WDFY3: variants seen among roughly 807,000 people sequenced by gnomAD.
WDFY3 encodes the protein WD repeat and FYVE domain containing 3, also known as WD repeat and FYVE domain-containing protein 3.
WDFY3 carries 66 observed loss-of-function variants against 409.6 expected under a neutral mutation model. The observed-to-expected ratio is 0.16, with a 90% confidence interval of 0.13 to 0.20. The LOEUF is 0.20. Ranked by LOEUF, WDFY3 falls within the 10% of genes least tolerant of loss-of-function variation. The pLI is 1.00. For synonymous variants in WDFY3, 1,521 were observed against 1,537.1 expected (o/e 0.99, Z 0.25); for missense variants, 3,031 against 4,298.1 (o/e 0.71, Z 8.24).
intron 36 of WDFY3, among the ~76,000 whole-genome samples, chr4:84,745,401 T>C (rs528633213): frequency 6.6e-6 from 1 of 152,206 alleles, no homozygotes; most frequent in Non-Finnish European, 1.5e-5. Flanking sequence ...TCCAGGACTG[T>C]ATTTATGACC....
chr4:84,695,202 C>G (rs1471716900), intron 58 of WDFY3, among the ~76,000 whole-genome samples: 7 of 152,070 alleles, frequency 4.6e-5, no homozygotes, highest in Non-Finnish European at 1.0e-4. Flanking sequence ...GAGGTTTGCT[C>G]ATCACTGAAC....
Position 84,696,842 on chromosome 4 carries a change from T to G in WDFY3, c.8597-19A>C, listed in dbSNP as rs748482317. The stretch of plus-strand genomic sequence containing the variant: ...TTACAGCCTATGCAATTGGATACAT[T>G]AAAAATAAAAAAAAAGAAAGAATGG... On this transcript the variant is annotated intron_variant, in intron 56 of 67. Transcript: ENST00000295888. The G allele has an allele frequency of 1.3e-6, 2 of 1,588,946 alleles. No individual in the cohort carries two copies. Among genetic ancestry groups the G allele is most frequent in the South Asian group, 2.2e-5 (2 of 89,678 alleles).
intron 7 of WDFY3, among the ~76,000 whole-genome samples, chr4:84,832,076 T>C (rs2149935998): frequency 6.6e-6 from 1 of 152,194 alleles, no homozygotes; most frequent in South Asian, 2.1e-4. Flanking sequence ...ATAGCCAAAA[T>C]TTAGAATCAA....
intron 22 of WDFY3, among the ~76,000 whole-genome samples, chr4:84,788,770 A>G (rs1021272872): frequency 6.6e-6 from 1 of 152,222 alleles, no homozygotes; most frequent in Non-Finnish European, 1.5e-5. Flanking sequence ...GCTATATCCC[A>G]GCATTTTGGG....
chr4:84,753,073 A>G (rs749917029), intron 35 of WDFY3, among the ~76,000 whole-genome samples: 4 of 152,230 alleles, frequency 2.6e-5, no homozygotes, highest in Non-Finnish European at 5.9e-5. Context: ...AATGTGCTTC[A>G]GTGAATTTCC....
At chr4:84,894,629 A>C (rs757690867) in intron 3 of WDFY3, among the ~76,000 whole-genome samples, 25 of 152,102 alleles carry the variant, frequency 1.6e-4, no homozygotes, top group Admixed American at 5.9e-4. Context: ...TCTACTAAAA[A>C]TACAAAAATT....
intron 35 of WDFY3, among the ~76,000 whole-genome samples, chr4:84,753,398 G>T (rs548546781): frequency 1.3e-5 from 2 of 152,102 alleles, no homozygotes; most frequent in Non-Finnish European, 2.9e-5. Flanking sequence ...AGCTGGCATC[G>T]CGTAAAATAA....
At chr4:84,782,004 A>C (rs544319435) in intron 25 of WDFY3, among the ~76,000 whole-genome samples, 2 of 152,328 alleles carry the variant, frequency 1.3e-5, no homozygotes, top group African/African-American at 4.8e-5. Context: ...ACTGATTTAC[A>C]CATTAAAAGT....
At chr4:84,879,937 G>A (rs749475982) in intron 3 of WDFY3, among the ~76,000 whole-genome samples, 11 of 152,200 alleles carry the variant, frequency 7.2e-5, no homozygotes, top group Middle Eastern at 3.2e-3. Flanking sequence ...GTTAACGTTT[G>A]TGTGAGGCAG....
chr4:84,964,595 A>C (rs898704006), intron 1 of WDFY3, among the ~76,000 whole-genome samples: 2 of 152,216 alleles, frequency 1.3e-5, no homozygotes. Context: ...ATATACTGTC[A>C]TTTACTTTTT....
At chr4:84,756,777 G>A in intron 33 of WDFY3, 149 bp downstream of exon 33, 1 of 961,508 alleles carries the variant, frequency 1.0e-6, no homozygotes, top group Non-Finnish European at 1.5e-6. Context: ...AATTTTCTGT[G>A]GTATTTTCAG....
At chr4:84,913,024 G>T (rs1017130392) in intron 2 of WDFY3, among the ~76,000 whole-genome samples, 2 of 152,146 alleles carry the variant, frequency 1.3e-5, no homozygotes, top group African/African-American at 2.4e-5. Flanking sequence ...GCTGAAGTTA[G>T]AAAGTACCTT....
Position 84,695,981 on chromosome 4 carries a change from T to A in WDFY3, c.8890A>T (p.Ile2964Phe), listed in dbSNP as rs769068496. ...AAAAACATCCATACCTGTTTAGGGA[T>A]CTGACCGAAGTTATTAATGAACCCA... ...TIGFINNFGQIPKQLFKKPHP... is the reference protein window; with the variant it reads ...TIGFINNFGQFPKQLFKKPHP... Residue 2964 changes from isoleucine (I) to phenylalanine (F), a missense_variant, in exon 58 of 68, where the codon ATC becomes TTC. Coordinates refer to ENST00000295888, the MANE Select transcript of WDFY3 (RefSeq NM_014991.6). 2 of 1,614,138 alleles carry A rather than the reference T, an allele frequency of 1.2e-6. No individual in the cohort carries two copies. The highest frequency in any genetic ancestry group is 1.1e-5 in the South Asian group (1 of 91,074).
intron 46 of WDFY3, among the ~76,000 whole-genome samples, chr4:84,723,780 T>G (rs1452919328): frequency 1.3e-5 from 2 of 152,198 alleles, no homozygotes; most frequent in African/African-American, 2.4e-5. Context: ...ATTTTATATA[T>G]GACCAGTGAG....
chr4:84,836,291 A>G (rs2149984383), intron 7 of WDFY3, among the ~76,000 whole-genome samples: 1 of 152,178 alleles, frequency 6.6e-6, no homozygotes, highest in African/African-American at 2.4e-5. Context: ...TTTTTTTAAT[A>G]CTGTATTAGA....
chr4:84,746,035 C>T lies in WDFY3; in HGVS notation c.5974-2236G>A, dbSNP rs537042326. Among the ~76,000 whole-genome samples, 8 of 150,692 alleles carry T rather than the reference C, an allele frequency of 5.3e-5. No individual in the cohort carries two copies. The South Asian group carries it at 6.3e-4, about 12-fold the overall frequency. On this transcript the variant is annotated intron_variant, in intron 36 of 67. Coordinates refer to ENST00000295888, the MANE Select transcript of WDFY3 (RefSeq NM_014991.6). The stretch of plus-strand genomic sequence containing the variant: ...AAAAAATGGTACTCCTGGTTGGGCA[C>T]GGTGGCTCATGCCTATAATCCCAGT...
At chr4:84,738,489 C>A (rs1274813267) in intron 40 of WDFY3, among the ~76,000 whole-genome samples, 2 of 151,248 alleles carry the variant, frequency 1.3e-5, no homozygotes, top group Admixed American at 6.6e-5. Context: ...GTAGTCCCAG[C>A]TATTTAGGAG....
chr4:84,684,044 T>C lies in WDFY3; in HGVS notation c.9625A>G (p.Thr3209Ala). Residue 3209 changes from threonine to alanine, a missense_variant, in exon 63 of 68, where the codon ACA becomes GCA. Thr to Ala is a moderately conservative substitution (Grantham distance 58). Transcript: ENST00000295888. ...CAGATGATCTGCTGGCTCCTACCTG[T>C]GAACGTGTTGACACTCACGATAGGG... Reference protein sequence around the residue: ...GNPIVSVNTFTGRSQQIICCC... With the variant: ...GNPIVSVNTFAGRSQQIICCC... 6.8e-6 allele frequency: 11 copies of C among 1,613,792 alleles called. No homozygotes were observed. The highest frequency in any genetic ancestry group is 9.3e-6 in the Non-Finnish European group (11 of 1,179,710).
At position 84,826,979 on chromosome 4, in the gene WDFY3, A is replaced by C; in HGVS notation, c.959T>G (p.Leu320Trp). ...GGATTCTGCCTCTTTTGCTTGTTCCAATCTAGAAAAGTATGATTTAGAAAG... is the reference window on the plus strand; with the variant it reads ...GGATTCTGCCTCTTTTGCTTGTTCCCATCTAGAAAAGTATGATTTAGAAAG... ...YNFLCDLLLR[L>W]EQAKEAESKD... Residue 320 changes from leucine (L) to tryptophan (W), a missense_variant and splice_region_variant, in exon 10 of 68, where the codon TTG becomes TGG. This residue lies in a region of WDFY3 where 1,322 missense variants were observed against 1,697.9 expected (regional missense o/e 0.78). Coordinates refer to ENST00000295888, the MANE Select transcript of WDFY3 (RefSeq NM_014991.6). 1 of 1,604,260 alleles carries C rather than the reference A, an allele frequency of 6.2e-7. No homozygotes were observed. The highest frequency in any genetic ancestry group is 1.1e-5 in the South Asian group (1 of 88,524).
Sources: allele counts gnomAD v4.1 joint callset (sites outside exome capture counted in the v4.1 genomes callset), GRCh38; gene constraint gnomAD v4.1.1; regional missense constraint gnomAD v4.1.1; transcripts MANE v1.5; gene names NCBI Gene and HGNC (gene_info 2026-07-23, HGNC 2026-07-21).